The following RPL26L1 variants were observed in gnomAD, a reference collection of about 807,000 sequenced individuals.
The protein encoded by RPL26L1 is ribosomal protein uL24-like.
RPL26L1 carries 8 observed loss-of-function variants against 15.2 expected under a neutral mutation model. That is an observed-to-expected ratio of 0.53 (90% CI 0.31 to 0.95). The LOEUF (loss-of-function observed/expected upper bound fraction) is 0.95, where lower values mean the gene tolerates loss of function less well. Among genes scored for constraint, RPL26L1 ranks in the 40% least tolerant of loss-of-function variants. RPL26L1 has a pLI of 0.05. For synonymous variants in RPL26L1, 51 were observed against 65.9 expected (o/e 0.77, Z 1.09); for missense variants, 146 against 190.9 (o/e 0.76, Z 1.39).
upstream of RPL26L1, chr5:172,955,062 AAG>A: frequency 8.8e-6 from 4 of 454,126 alleles, no homozygotes; most frequent in South Asian, 6.2e-5. Flanking sequence ...GAAACCTGGG[AAG>A]AGGGGGTGAA....
At chr5:172,961,969 A>G (rs1755246834) in intron 2 of RPL26L1, among the ~76,000 whole-genome samples, 1 of 152,256 alleles carries the variant, frequency 6.6e-6, no homozygotes, top group African/African-American at 2.4e-5. Context: ...CTCTACTCCC[A>G]TCTTCCACAT....
chr5:172,963,145 AGGTG>A (rs1755309513), intron 2 of RPL26L1, among the ~76,000 whole-genome samples: 1 of 152,050 alleles, frequency 6.6e-6, no homozygotes, highest in Non-Finnish European at 1.5e-5. Context: ...TGGGAGGCTG[AGGTG>A]GGTGGATCAC....
chr5:172,969,730 A>G lies in RPL26L1; in HGVS notation c.*189A>G. 1 of 486,936 alleles carries G rather than the reference A, an allele frequency of 2.1e-6. No individual in the cohort carries two copies. Among genetic ancestry groups the G allele is most frequent in the Non-Finnish European group, 3.7e-6 (1 of 270,454 alleles). The allele number at this position is 486,936 out of a possible 1,614,324, so 30.2% of individuals were successfully genotyped here. On this transcript the variant is annotated 3_prime_UTR_variant, in exon 4 of 4. Coordinates refer to ENST00000265100, the MANE Select transcript of RPL26L1 (RefSeq NM_016093.4). ...TGGGAAATGCTTCCTAATTCCACATAGTATTTGCATTGTTTTATAAATAAA... is the reference window on the plus strand; with the variant it reads ...TGGGAAATGCTTCCTAATTCCACATGGTATTTGCATTGTTTTATAAATAAA...
At chr5:172,960,149 C>A in intron 2 of RPL26L1, 108 bp downstream of exon 2, 1 of 1,325,264 alleles carries the variant, frequency 7.5e-7, no homozygotes, top group Non-Finnish European at 1.1e-6. Flanking sequence ...AGTAGTGTGA[C>A]CCTTCAGATG....
intron 2 of RPL26L1, among the ~76,000 whole-genome samples, chr5:172,964,819 C>T (rs1170612597): frequency 6.6e-6 from 1 of 152,206 alleles, no homozygotes; most frequent in African/African-American, 2.4e-5. Flanking sequence ...TTTCAGAAAT[C>T]GTGGCTCCAC....
upstream of RPL26L1, chr5:172,958,098 C>G (rs1244105865): frequency 3.2e-6 from 1 of 308,846 alleles, no homozygotes; most frequent in African/African-American, 2.2e-5. Flanking sequence ...AACCCCGTCT[C>G]TACTAAAAAT....
At chr5:172,961,304 A>C (rs777317161) in intron 2 of RPL26L1, among the ~76,000 whole-genome samples, 6 of 152,198 alleles carry the variant, frequency 3.9e-5, no homozygotes, top group Non-Finnish European at 8.8e-5. Flanking sequence ...GACATGTTCT[A>C]GAATGGGGGA....
At chr5:172,963,603 G>A (rs1755333276) in intron 2 of RPL26L1, among the ~76,000 whole-genome samples, 1 of 152,002 alleles carries the variant, frequency 6.6e-6, no homozygotes, top group African/African-American at 2.4e-5. Flanking sequence ...TCATTCTTCG[G>A]GTCCTACCTT....
At chr5:172,954,707 C>G (rs1014406585), upstream of RPL26L1, 4 of 298,506 alleles carry the variant, frequency 1.3e-5, no homozygotes, top group South Asian at 8.9e-5. Flanking sequence ...AGGGGAACAC[C>G]GATACAGGTT....
At chr5:172,955,475 T>A (rs1392281860), upstream of RPL26L1, 2 of 156,150 alleles carry the variant, frequency 1.3e-5, no homozygotes, top group African/African-American at 2.4e-5. Context: ...TTTTAAATTC[T>A]TGCCGGAAAC....
At chr5:172,963,059 C>G (rs1303292061) in intron 2 of RPL26L1, among the ~76,000 whole-genome samples, 2 of 151,814 alleles carry the variant, frequency 1.3e-5, no homozygotes, top group Non-Finnish European at 2.9e-5. Context: ...AGGTGCTTAC[C>G]AATGGTGCCT....
chr5:172,969,642 T>A lies in RPL26L1; in HGVS notation c.*101T>A. On this transcript the variant is annotated 3_prime_UTR_variant, in exon 4 of 4. Transcript: ENST00000265100. The stretch of plus-strand genomic sequence containing the variant: ...TGTCTGGAACATTTCATTTCCTGTT[T>A]TGTTACCTGTGCCTCTGTAAATCTA... The A allele has an allele frequency of 1.6e-6, 2 of 1,214,534 alleles. No homozygotes were observed. The highest frequency in any genetic ancestry group is 2.3e-6 in the Non-Finnish European group (2 of 879,470). 75.2% of individuals were successfully genotyped at this position (1,214,534 alleles called of 1,614,324 possible). A position where few individuals can be genotyped will look rare whatever the true frequency, so the allele number is the denominator to read the frequency against.
intron 2 of RPL26L1, 102 bp downstream of exon 2, chr5:172,960,143 G>A (rs1220418116): frequency 1.4e-6 from 2 of 1,384,024 alleles, no homozygotes; most frequent in Admixed American, 1.7e-5. Flanking sequence ...CTGGAAAGTA[G>A]TGTGACCCTT....
chr5:172,955,994 T>A (rs902521279), upstream of RPL26L1: 1 of 152,170 alleles, frequency 6.6e-6, no homozygotes, highest in Non-Finnish European at 1.5e-5. Context: ...GAGCAGGAGG[T>A]GCTTTTTTTG....
At chr5:172,955,057 C>T (rs1258511983), upstream of RPL26L1, 2 of 454,548 alleles carry the variant, frequency 4.4e-6, no homozygotes, top group Non-Finnish European at 8.8e-6. Context: ...TGGGTGAAAC[C>T]TGGGAAGAGG....
intron 2 of RPL26L1, among the ~76,000 whole-genome samples, chr5:172,965,142 C>T (rs557676893): frequency 3.3e-5 from 5 of 152,190 alleles, no homozygotes; most frequent in Non-Finnish European, 7.4e-5. Context: ...GCCAAGATCA[C>T]GCCACTGCAC....
intron 2 of RPL26L1, among the ~76,000 whole-genome samples, 171 bp from the exon 3 acceptor site, chr5:172,968,288 A>G (rs1040125361): frequency 2.0e-5 from 3 of 152,070 alleles, no homozygotes; most frequent in African/African-American, 7.2e-5. Context: ...TCTCCACCCA[A>G]CCATAGCACA....
At position 172,965,045 on chromosome 5, in the gene RPL26L1, G is replaced by A. The variant is rs150628038; in HGVS notation, c.169-3414G>A. Among the ~76,000 whole-genome samples the A allele has an allele frequency of 1.1e-3, 163 of 152,310 alleles. 1 individual carries two copies. Among genetic ancestry groups the A allele is most frequent in the African/African-American group, 3.6e-3 (151 of 41,570 alleles). On this transcript the variant is annotated intron_variant, in intron 2 of 3. Coordinates refer to ENST00000265100, the MANE Select transcript of RPL26L1 (RefSeq NM_016093.4). Reference sequence around the variant, plus strand: ...CTAAAAATATAAAGATTAGCTGGGCGTGATGGCACATGCCTGTAATCCCAG... The same window carrying A: ...CTAAAAATATAAAGATTAGCTGGGCATGATGGCACATGCCTGTAATCCCAG...
intron 2 of RPL26L1, among the ~76,000 whole-genome samples, chr5:172,961,342 G>A (rs1755228860): frequency 6.6e-6 from 1 of 152,174 alleles, no homozygotes; most frequent in Non-Finnish European, 1.5e-5. Context: ...GGGATAGGTA[G>A]GGATAGAAAA....
Sources: allele counts gnomAD v4.1 joint callset (sites outside exome capture counted in the v4.1 genomes callset), GRCh38; gene constraint gnomAD v4.1.1; transcripts MANE v1.5; gene names NCBI Gene and HGNC (gene_info 2026-07-23, HGNC 2026-07-21).